The following DNM3 variants were observed in gnomAD, a reference collection of about 807,000 sequenced individuals.
The protein encoded by DNM3 is dynamin 3, also known as dynamin-3.
In DNM3, 47 loss-of-function variants were observed where a neutral mutation model predicts 101.6. The observed-to-expected ratio is 0.46, with a 90% confidence interval of 0.37 to 0.59. DNM3 has a LOEUF of 0.59. DNM3 is among the 20% of genes least tolerant of loss of function. DNM3 has a pLI of 0.00. For synonymous variants in DNM3, 385 were observed against 387.9 expected (o/e 0.99, Z 0.09); for missense variants, 849 against 1,085.7 (o/e 0.78, Z 3.06).
At chr1:172,086,724 A>C (rs559873202) in intron 12 of DNM3, among the ~76,000 whole-genome samples, 15 of 152,244 alleles carry the variant, frequency 9.9e-5, no homozygotes, top group Non-Finnish European at 2.2e-4. Flanking sequence ...GGTGGTAGCT[A>C]CTGAGAGAAA....
At chr1:172,361,060 G>A (rs909699706) in intron 17 of DNM3, among the ~76,000 whole-genome samples, 16 of 151,976 alleles carry the variant, frequency 1.1e-4, no homozygotes, top group African/African-American at 3.6e-4. Context: ...TTGAGCTCCC[G>A]CACAGGATGA....
At chr1:172,351,306 A>G (rs2148984411) in intron 17 of DNM3, among the ~76,000 whole-genome samples, 1 of 152,336 alleles carries the variant, frequency 6.6e-6, no homozygotes, top group South Asian at 2.1e-4. Flanking sequence ...ATGAATACAC[A>G]AAATGGGAAC....
intron 15 of DNM3, among the ~76,000 whole-genome samples, chr1:172,256,598 A>G (rs1270164965): frequency 6.6e-6 from 1 of 151,648 alleles, no homozygotes; most frequent in Non-Finnish European, 1.5e-5. Context: ...CTCTTGCTAG[A>G]GTTTTGTGTC....
At chr1:171,848,556 G>C (rs1038238265) in intron 1 of DNM3, among the ~76,000 whole-genome samples, 10 of 152,214 alleles carry the variant, frequency 6.6e-5, no homozygotes, top group Non-Finnish European at 1.5e-4. Context: ...AAACCAACAC[G>C]AGCTTCTGAA....
intron 14 of DNM3, among the ~76,000 whole-genome samples, chr1:172,134,206 A>G (rs1188468873): frequency 6.6e-6 from 1 of 152,168 alleles, no homozygotes; most frequent in Non-Finnish European, 1.5e-5. Context: ...GGCTACACAC[A>G]GCTATGATTG....
chr1:171,912,727 C>T (rs928492755), intron 1 of DNM3, among the ~76,000 whole-genome samples: 1 of 152,106 alleles, frequency 6.6e-6, no homozygotes, highest in African/African-American at 2.4e-5. Flanking sequence ...ATGTGGACAC[C>T]CCATTTGCAA....
chr1:172,046,527 C>T (rs1423426435), intron 9 of DNM3, among the ~76,000 whole-genome samples: 1 of 150,418 alleles, frequency 6.6e-6, no homozygotes, highest in Non-Finnish European at 1.5e-5. Context: ...GCACATTGTG[C>T]ACATGTACCC....
chr1:171,914,075 C>T (rs1237228399), intron 1 of DNM3, among the ~76,000 whole-genome samples: 1 of 152,150 alleles, frequency 6.6e-6, no homozygotes, highest in East Asian at 1.9e-4. Flanking sequence ...CAGATGTAAG[C>T]CACTGTGCAT....
Position 172,384,130 on chromosome 1 carries a change from G to A in DNM3, c.2059-3003G>A, listed in dbSNP as rs553534162. Among the ~76,000 whole-genome samples the A allele has an allele frequency of 9.2e-5, 14 of 152,160 alleles. No individual in the cohort carries two copies. The South Asian group carries it at 2.9e-3, about 32-fold the overall frequency. On this transcript the variant is annotated intron_variant, in intron 18 of 20. Coordinates refer to ENST00000627582, the MANE Select transcript of DNM3 (RefSeq NM_015569.5). ...GTCCCTGAAGTGTCTGGAAACTCCCGGAAGTCCCCCTACCTTCATTCCAAA... is the reference window on the plus strand; with the variant it reads ...GTCCCTGAAGTGTCTGGAAACTCCCAGAAGTCCCCCTACCTTCATTCCAAA...
intron 12 of DNM3, among the ~76,000 whole-genome samples, chr1:172,089,845 C>T (rs1232983024): frequency 6.6e-6 from 1 of 152,120 alleles, no homozygotes; most frequent in Non-Finnish European, 1.5e-5. Context: ...AATTTTGCAT[C>T]TCAAGGAATA....
intron 2 of DNM3, among the ~76,000 whole-genome samples, chr1:171,941,918 A>G (rs2041840501): frequency 6.6e-6 from 1 of 152,212 alleles, no homozygotes; most frequent in Non-Finnish European, 1.5e-5. Context: ...ATATAAACCC[A>G]TATGCCTTTT....
intron 1 of DNM3, among the ~76,000 whole-genome samples, chr1:171,912,380 T>C (rs1246002980): frequency 6.6e-6 from 1 of 152,150 alleles, no homozygotes; most frequent in African/African-American, 2.4e-5. Flanking sequence ...AGGGGAACCA[T>C]AATGAAAAGA....
At chr1:171,991,925 C>T (rs1288794571) in intron 4 of DNM3, among the ~76,000 whole-genome samples, 2 of 152,106 alleles carry the variant, frequency 1.3e-5, no homozygotes, top group Non-Finnish European at 2.9e-5. Flanking sequence ...CCATTCAGTC[C>T]CTGATTTCTC....
At chr1:172,030,506 C>T (rs1248686688) in intron 4 of DNM3, among the ~76,000 whole-genome samples, 2 of 152,010 alleles carry the variant, frequency 1.3e-5, no homozygotes, top group Admixed American at 1.3e-4. Context: ...AACTTCATGA[C>T]TAAAACACCA....
intron 17 of DNM3, among the ~76,000 whole-genome samples, chr1:172,336,070 C>A (rs1366256740): frequency 6.6e-6 from 1 of 152,014 alleles, no homozygotes; most frequent in Non-Finnish European, 1.5e-5. Context: ...ATTGTCACAG[C>A]CGGGTTGGGG....
chr1:171,978,917 C>A (rs988818514), intron 2 of DNM3, among the ~76,000 whole-genome samples: 1 of 151,848 alleles, frequency 6.6e-6, no homozygotes, highest in African/African-American at 2.4e-5. Flanking sequence ...ATAGACAAAT[C>A]TGGAATTCAA....
chr1:172,392,740 G>A (rs533476375), intron 20 of DNM3, among the ~76,000 whole-genome samples: 2 of 152,024 alleles, frequency 1.3e-5, no homozygotes, highest in African/African-American at 4.8e-5. Context: ...TGGGAGGAAG[G>A]GTCTCCAACC....
At chr1:172,212,306 C>T (rs1161814309) in intron 14 of DNM3, among the ~76,000 whole-genome samples, 1 of 152,126 alleles carries the variant, frequency 6.6e-6, no homozygotes, top group Non-Finnish European at 1.5e-5. Flanking sequence ...CACACCTCAG[C>T]TAGACACTGA....
In DNM3 at chr1:171,990,825, T is replaced by C. The variant is rs558938723; in HGVS notation, c.589+1677T>C. Among the ~76,000 whole-genome samples the C allele has an allele frequency of 2.0e-5, 3 of 152,238 alleles. No homozygotes were observed. In the East Asian group the frequency reaches 5.8e-4, roughly 29 times the overall value. Reference sequence around the variant, plus strand: ...CCACCATCCCTGAAACTGGGGCTTGTAACAAGCAGGTAGAGGCTCCAGATG... The same window carrying C: ...CCACCATCCCTGAAACTGGGGCTTGCAACAAGCAGGTAGAGGCTCCAGATG... On this transcript the variant is annotated intron_variant, in intron 4 of 20. Coordinates refer to ENST00000627582, the MANE Select transcript of DNM3 (RefSeq NM_015569.5).
Sources: allele counts gnomAD v4.1 joint callset (sites outside exome capture counted in the v4.1 genomes callset), GRCh38; gene constraint gnomAD v4.1.1; transcripts MANE v1.5; gene names NCBI Gene and HGNC (gene_info 2026-07-23, HGNC 2026-07-21).